MAF: variants seen among roughly 807,000 people sequenced by gnomAD.
MAF encodes transcription factor Maf.
In MAF, 10 loss-of-function variants were observed where a neutral mutation model predicts 22.0. That is an observed-to-expected ratio of 0.45 (90% CI 0.28 to 0.77). The LOEUF is 0.77. Ranked by LOEUF, MAF falls within the 30% of genes least tolerant of loss-of-function variation. The probability of loss-of-function intolerance (pLI) is 0.12; values close to 1 mark genes in which losing one functional copy is unlikely to be tolerated. For missense variants in MAF, 544 were observed against 548.4 expected (o/e 0.99, Z 0.08); for synonymous variants, 337 against 255.8 (o/e 1.32, Z -3.03).
At chr16:79,501,140 G>A in the MAF span, among the ~76,000 whole-genome samples, 2 of 152,162 alleles carry the variant, frequency 1.3e-5, no homozygotes, top group African/African-American at 2.4e-5. Context: ...GAGACCCTGA[G>A]AAACTGCCCC....
chr16:79,358,316 T>C, the MAF span, among the ~76,000 whole-genome samples: 1 of 152,164 alleles, frequency 6.6e-6, no homozygotes, highest in South Asian at 2.1e-4. Flanking sequence ...ATTGCTAGGA[T>C]CTGCTACATT....
At chr16:79,509,815 A>G in the MAF span, among the ~76,000 whole-genome samples, 1 of 152,222 alleles carries the variant, frequency 6.6e-6, no homozygotes, top group Admixed American at 6.5e-5. Context: ...TTAGGCTCTG[A>G]TGAGCCTCTT....
chr16:79,389,464 G>A, the MAF span, among the ~76,000 whole-genome samples: 33 of 152,052 alleles, frequency 2.2e-4, no homozygotes, highest in Non-Finnish European at 3.7e-4. Context: ...CACCATGTTT[G>A]TTCACCAGGC....
chr16:79,217,057 G>A, the MAF span, among the ~76,000 whole-genome samples: 1 of 152,162 alleles, frequency 6.6e-6, no homozygotes, highest in Non-Finnish European at 1.5e-5. Context: ...TGATCCAACT[G>A]CCTCAGCCTC....
At chr16:79,440,016 A>T in the MAF span, among the ~76,000 whole-genome samples, 9 of 152,344 alleles carry the variant, frequency 5.9e-5, no homozygotes, top group South Asian at 1.7e-3. Flanking sequence ...TCTGGAGAAC[A>T]GACAGGCACA....
chr16:79,390,929 A>G, the MAF span, among the ~76,000 whole-genome samples: 1 of 152,108 alleles, frequency 6.6e-6, no homozygotes, highest in Non-Finnish European at 1.5e-5. Flanking sequence ...TGCTTATCAA[A>G]GGATTTCTGG....
At chr16:79,245,415 T>C in the MAF span, among the ~76,000 whole-genome samples, 1 of 151,990 alleles carries the variant, frequency 6.6e-6, no homozygotes, top group African/African-American at 2.4e-5. Context: ...AACAGACACT[T>C]ATCAAAAGAA....
At position 79,595,600 on chromosome 16, in the gene MAF, T is replaced by G. The variant is rs1913471378; in HGVS notation, c.1119-1047A>C. On this transcript the variant is annotated intron_variant, in intron 1 of 1. Coordinates refer to ENST00000326043, the MANE Select transcript of MAF (RefSeq NM_005360.5). ...TGTCATTTAAAAATAGGTCAGCGCT[T>G]AGGAGTCCTACTAGTGAAGGTAGTT... 4 of 1,058,090 alleles carry G rather than the reference T, an allele frequency of 3.8e-6. No individual in the cohort carries two copies. The African/African-American group carries it at 6.6e-5, about 17-fold the overall frequency. 65.5% of individuals were successfully genotyped at this position (1,058,090 alleles called of 1,614,324 possible).
At chr16:79,362,835 T>C in the MAF span, among the ~76,000 whole-genome samples, 2 of 152,372 alleles carry the variant, frequency 1.3e-5, no homozygotes, top group East Asian at 3.9e-4. Context: ...TGCTTTGCTC[T>C]TACAAAAGAG....
At chr16:79,273,779 G>A in the MAF span, among the ~76,000 whole-genome samples, 1 of 152,080 alleles carries the variant, frequency 6.6e-6, no homozygotes, top group Non-Finnish European at 1.5e-5. Context: ...CAGCTGATTA[G>A]CAAATTTAAT....
chr16:79,431,889 G>A, the MAF span, among the ~76,000 whole-genome samples: 2 of 152,172 alleles, frequency 1.3e-5, no homozygotes, highest in Non-Finnish European at 2.9e-5. Context: ...AGGTTGAATT[G>A]CCACCTTTCC....
chr16:79,476,359 G>C, the MAF span, among the ~76,000 whole-genome samples: 1 of 152,172 alleles, frequency 6.6e-6, no homozygotes, highest in African/African-American at 2.4e-5. Flanking sequence ...ATAAATGTTA[G>C]CTGCTGAATT....
chr16:79,574,771 G>C, the MAF span, among the ~76,000 whole-genome samples: 2 of 152,168 alleles, frequency 1.3e-5, no homozygotes, highest in African/African-American at 2.4e-5. Context: ...CCTTGGGCTT[G>C]CTTATAAAGA....
At chr16:79,240,340 T>A in the MAF span, among the ~76,000 whole-genome samples, 1 of 150,584 alleles carries the variant, frequency 6.6e-6, no homozygotes, top group East Asian at 2.0e-4. Context: ...GTATGCCTGG[T>A]GACATTTTAA....
chr16:79,383,227 G>A, the MAF span, among the ~76,000 whole-genome samples: 1 of 152,150 alleles, frequency 6.6e-6, no homozygotes, highest in Admixed American at 6.5e-5. Context: ...GACTGGGGTG[G>A]GGGCAGGGTG....
At chr16:79,566,623 G>A in the MAF span, among the ~76,000 whole-genome samples, 1 of 151,772 alleles carries the variant, frequency 6.6e-6, no homozygotes, top group Non-Finnish European at 1.5e-5. Context: ...GATCTTGGGG[G>A]AAGAAGCCAA....
At chr16:79,416,953 T>C in the MAF span, among the ~76,000 whole-genome samples, 5 of 152,216 alleles carry the variant, frequency 3.3e-5, no homozygotes, top group African/African-American at 9.7e-5. Context: ...ATTATTCTTA[T>C]TTGCACACCA....
chr16:79,363,495 ATACTT>A, the MAF span, among the ~76,000 whole-genome samples: 2 of 152,138 alleles, frequency 1.3e-5, no homozygotes, highest in African/African-American at 4.8e-5. Flanking sequence ...AATTTATTGA[ATACTT>A]TACTTACTTA....
chr16:79,219,333 T>A, the MAF span, among the ~76,000 whole-genome samples: 6 of 151,938 alleles, frequency 3.9e-5, no homozygotes, highest in African/African-American at 1.5e-4. Flanking sequence ...ATTTCCCGAG[T>A]GCTTACCAAA....
Sources: allele counts gnomAD v4.1 joint callset (sites outside exome capture counted in the v4.1 genomes callset), GRCh38; gene constraint gnomAD v4.1.1; transcripts MANE v1.5; gene names NCBI Gene and HGNC (gene_info 2026-07-23, HGNC 2026-07-21).